Variants in CGNL1 observed in about 807,000 individuals in gnomAD.
The protein encoded by CGNL1 is cingulin like 1, also known as cingulin-like protein 1.
In CGNL1, 132 loss-of-function variants were observed where a neutral mutation model predicts 141.2. The observed-to-expected ratio is 0.93, with a 90% CI of 0.81 to 1.08. The LOEUF (loss-of-function observed/expected upper bound fraction) is 1.08. CGNL1 is among the 50% of genes least tolerant of loss of function. The pLI is 0.00. For missense variants in CGNL1, 1,870 were observed against 1,588.6 expected, an observed-to-expected ratio of 1.18 and a Z score of -3.01; for synonymous variants, 690 against 622.1, an observed-to-expected ratio of 1.11 and a Z score of -1.63.
chr15:57,406,316 G>A (rs1333241143), intron 1 of CGNL1, among the ~76,000 whole-genome samples: 5 of 152,192 alleles, frequency 3.3e-5, no homozygotes, highest in Admixed American at 6.5e-5. Context: ...ATAAGAGCAG[G>A]AGGCTGCTGG....
chr15:57,540,649 C>T (rs1324212854), intron 14 of CGNL1, among the ~76,000 whole-genome samples: 1 of 152,070 alleles, frequency 6.6e-6, no homozygotes, highest in African/African-American at 2.4e-5. Context: ...TTTTGCTGGC[C>T]CTCTGAATCT....
intron 4 of CGNL1, 52 bp downstream of exon 4, chr15:57,442,530 A>G: frequency 8.9e-7 from 1 of 1,129,812 alleles, no homozygotes; most frequent in Non-Finnish European, 1.3e-6. Context: ...GAATGTGGTA[A>G]ACAACTTGCT....
At chr15:57,384,409 A>C (rs2062460060) in intron 1 of CGNL1, among the ~76,000 whole-genome samples, 1 of 152,170 alleles carries the variant, frequency 6.6e-6, no homozygotes, top group African/African-American at 2.4e-5. Context: ...CAGGCGATAG[A>C]AACAAGGCCA....
intron 1 of CGNL1, among the ~76,000 whole-genome samples, chr15:57,394,831 G>C (rs1399755347): frequency 6.6e-6 from 1 of 152,176 alleles, no homozygotes; most frequent in Non-Finnish European, 1.5e-5. Flanking sequence ...CAATTATTTG[G>C]CTGGGCGCAG....
intron 1 of CGNL1, among the ~76,000 whole-genome samples, chr15:57,424,166 C>T (rs2062948182): frequency 6.6e-6 from 1 of 152,252 alleles, no homozygotes; most frequent in Non-Finnish European, 1.5e-5. Flanking sequence ...AGTCTGCCTT[C>T]CCACTGATTC....
At chr15:57,450,250 A>G (rs2063305861) in intron 4 of CGNL1, among the ~76,000 whole-genome samples, 1 of 151,960 alleles carries the variant, frequency 6.6e-6, no homozygotes, top group African/African-American at 2.4e-5. Flanking sequence ...TGGCCATCCT[A>G]ATTCGTATAT....
At chr15:57,524,507 TG>T in intron 11 of CGNL1, 73 bp from the exon 12 acceptor site, 1 of 1,310,748 alleles carries the variant, frequency 7.6e-7, no homozygotes, top group Non-Finnish European at 1.1e-6. Context: ...AGATGTGCTG[TG>T]TGTTGAAATG....
chr15:57,530,533 A>C (rs1192862255), intron 13 of CGNL1, among the ~76,000 whole-genome samples: 1 of 152,194 alleles, frequency 6.6e-6, no homozygotes, highest in African/African-American at 2.4e-5. Context: ...CTGTAAACTC[A>C]GGTGGCTGTT....
chr15:57,449,063 A>G (rs11071319), intron 4 of CGNL1, among the ~76,000 whole-genome samples: 49,203 of 152,064 alleles, frequency 0.32, 8,781 homozygotes, highest in South Asian at 0.44. Context: ...AATGAATGCC[A>G]GAATGTCCAC....
intron 1 of CGNL1, among the ~76,000 whole-genome samples, chr15:57,413,217 C>CTCTTCCTCTCTTCCTT (rs2062811565): frequency 2.1e-5 from 3 of 141,432 alleles, no homozygotes; most frequent in African/African-American, 8.2e-5. Flanking sequence ...CTCTCTTCCT[C>CTCTTCCTCTCTTCCTT]TCTTCCTCCC....
rs746136965 is a variant in CGNL1 at position 57,524,731 on chromosome 15, G to A, written c.3019G>A (p.Ala1007Thr). 1.2e-6 allele frequency: 2 copies of A among 1,614,190 alleles called. No individual in the cohort carries two copies. The highest frequency in any genetic ancestry group is 2.2e-5 in the East Asian group (1 of 44,884). The stretch of plus-strand genomic sequence containing the variant: ...GGAGGCAGAAAAGTCCCGACTGACA[G>A]CCATGAAAATGCAGGATGAGGTAAT... ...TLEAEKSRLT[A>T]MKMQDEMRLM... The change falls in exon 12 of 19, where the codon GCC becomes ACC. Residue 1007 changes from alanine (A) to threonine (T), a missense_variant. Transcript: ENST00000281282.
intron 4 of CGNL1, among the ~76,000 whole-genome samples, chr15:57,447,580 A>T (rs1177973381): frequency 6.6e-6 from 1 of 152,192 alleles, no homozygotes; most frequent in African/African-American, 2.4e-5. Context: ...GATTTTGACT[A>T]TGACGTGCCT....
chr15:57,410,272 A>G (rs2062771516), intron 1 of CGNL1, among the ~76,000 whole-genome samples: 1 of 152,198 alleles, frequency 6.6e-6, no homozygotes, highest in African/African-American at 2.4e-5. Context: ...CTCATTTTAC[A>G]TGTCGTTAAG....
At chr15:57,509,962 A>G (rs1277564360) in intron 8 of CGNL1, among the ~76,000 whole-genome samples, 1 of 152,226 alleles carries the variant, frequency 6.6e-6, no homozygotes, top group Non-Finnish European at 1.5e-5. Context: ...TAAATTAGCC[A>G]ACCAAGAAAC....
chr15:57,397,534 T>A lies in CGNL1; in HGVS notation c.-16+20967T>A, dbSNP rs7162093. Among the ~76,000 whole-genome samples, 1,457 of 152,306 alleles carry A rather than the reference T, an allele frequency of 9.6e-3. 25 individuals carry two copies. The highest frequency in any genetic ancestry group is 0.033 in the African/African-American group (1,372 of 41,548). On this transcript the variant is annotated intron_variant, in intron 1 of 18. Transcript: ENST00000281282. The stretch of plus-strand genomic sequence containing the variant: ...TTTTGTAAATTAATTTTTATAATGC[T>A]TCAAAAGCTAATTTTTAAATTATAA...
chr15:57,535,323 G>A (rs554704873), intron 14 of CGNL1, among the ~76,000 whole-genome samples: 2 of 152,174 alleles, frequency 1.3e-5, no homozygotes, highest in Non-Finnish European at 2.9e-5. Context: ...TGAGGAGATG[G>A]GTCAGACCTA....
chr15:57,421,259 T>C (rs2062911486), intron 1 of CGNL1, among the ~76,000 whole-genome samples: 1 of 152,196 alleles, frequency 6.6e-6, no homozygotes, highest in African/African-American at 2.4e-5. Context: ...CTGTGAGAAA[T>C]ATATTTCTGT....
chr15:57,390,808 CAGA>C (rs537052591), intron 1 of CGNL1, among the ~76,000 whole-genome samples: 7 of 151,930 alleles, frequency 4.6e-5, no homozygotes, highest in Non-Finnish European at 1.0e-4. Flanking sequence ...GTGGGAGGAG[CAGA>C]AGGATGGGCC....
intron 3 of CGNL1, among the ~76,000 whole-genome samples, chr15:57,442,164 G>C (rs1202567140): frequency 9.1e-6 from 1 of 109,868 alleles, no homozygotes; most frequent in Non-Finnish European, 1.7e-5. Context: ...AAATTGAGTG[G>C]TAACACATCA....
Sources: gnomAD v4.1 joint callset for allele counts (sites outside exome capture counted in the v4.1 genomes callset) on GRCh38, gnomAD v4.1.1 for gene constraint, MANE v1.5 for transcripts, NCBI Gene and HGNC (gene_info 2026-07-23, HGNC 2026-07-21) for gene names.